Variants in PLD5 observed in about 807,000 individuals in gnomAD.
PLD5 encodes the protein phospholipase D family member 5, also known as inactive phospholipase D5.
In PLD5, 36 loss-of-function variants were observed where a neutral mutation model predicts 61.1. The observed-to-expected ratio is 0.59, with a 90% CI of 0.45 to 0.78. The LOEUF (loss-of-function observed/expected upper bound fraction) is 0.78. Ranked by LOEUF, PLD5 falls within the 30% of genes least tolerant of loss-of-function variation. The probability of loss-of-function intolerance (pLI) is 0.00; values close to 1 mark genes in which losing one functional copy is unlikely to be tolerated. For synonymous variants in PLD5, 243 were observed against 242.8 expected, an observed-to-expected ratio of 1.00 and a Z score of -0.01; for missense variants, 515 against 644.4, an observed-to-expected ratio of 0.80 and a Z score of 2.17.
intron 1 of PLD5, among the ~76,000 whole-genome samples, chr1:242,514,110 T>C (rs773116415): frequency 3.9e-5 from 6 of 152,238 alleles, no homozygotes; most frequent in Non-Finnish European, 8.8e-5. Context: ...AAAGTATCTA[T>C]TCAAATATCT....
At chr1:242,262,316 A>G (rs3863738) in intron 4 of PLD5, among the ~76,000 whole-genome samples, 70,628 of 152,054 alleles carry the variant, frequency 0.46, 17,484 homozygotes, top group East Asian at 0.68. Flanking sequence ...TGACTGCAAG[A>G]GGGACTGAGA....
rs1274268918 is a variant in PLD5, at chr1:242,087,087, A to G, written c.*2767T>C. 6.6e-6 allele frequency: 1 copy of G among 152,218 alleles called. No individual in the cohort carries two copies. Among genetic ancestry groups the G allele is most frequent in the African/African-American group, 2.4e-5 (1 of 41,456 alleles). 9.4% of individuals were successfully genotyped at this position (152,218 alleles called of 1,614,324 possible). ...GATAGCTAAAGCATCCAAATGAAAG[A>G]AAGTTCTGCAGAATGAAATGTTCTC... On this transcript the variant is annotated 3_prime_UTR_variant, in exon 10 of 10. Coordinates refer to ENST00000536534, the MANE Select transcript of PLD5 (RefSeq NM_001372062.1).
At chr1:242,359,363 G>A (rs189594095) in intron 1 of PLD5, among the ~76,000 whole-genome samples, 207 of 152,286 alleles carry the variant, frequency 1.4e-3, no homozygotes, top group African/African-American at 4.8e-3. Flanking sequence ...ACTTGAGGAA[G>A]AGGGAAGGAT....
chr1:242,199,144 G>T (rs541241610), intron 5 of PLD5, among the ~76,000 whole-genome samples: 17 of 152,166 alleles, frequency 1.1e-4, no homozygotes, highest in Non-Finnish European at 2.4e-4. Context: ...ATTTTATGTG[G>T]CGGTTGGAAA....
At chr1:242,305,663 G>A (rs1236997496) in intron 2 of PLD5, among the ~76,000 whole-genome samples, 2 of 152,208 alleles carry the variant, frequency 1.3e-5, no homozygotes, top group East Asian at 1.9e-4. Flanking sequence ...TGGTTCAAGC[G>A]ATTCTTCTGC....
chr1:242,147,425 T>A (rs1318357122), intron 5 of PLD5: 1 of 152,212 alleles, frequency 6.6e-6, no homozygotes, highest in Non-Finnish European at 1.5e-5. Flanking sequence ...TTGAGAAACA[T>A]TTGGGTAGTT....
At chr1:242,486,069 A>G (rs558120837) in intron 1 of PLD5, among the ~76,000 whole-genome samples, 116 of 152,200 alleles carry the variant, frequency 7.6e-4, no homozygotes, top group Middle Eastern at 6.8e-3. Flanking sequence ...TTAATTCAAG[A>G]TGGATTAAAG....
At chr1:242,464,806 A>G (rs944812929) in intron 1 of PLD5, among the ~76,000 whole-genome samples, 2 of 152,240 alleles carry the variant, frequency 1.3e-5, no homozygotes, top group Admixed American at 6.5e-5. Context: ...CATACAGTGA[A>G]ATAGCACTCC....
intron 5 of PLD5, among the ~76,000 whole-genome samples, chr1:242,133,159 T>A (rs1440927160): frequency 3.3e-5 from 5 of 152,020 alleles, no homozygotes; most frequent in African/African-American, 1.2e-4. Flanking sequence ...TGCATAGGGG[T>A]ATAACTTTGT....
intron 2 of PLD5, among the ~76,000 whole-genome samples, chr1:242,299,380 A>AT (rs1430840603): frequency 3.9e-5 from 6 of 152,200 alleles, no homozygotes; most frequent in East Asian, 1.9e-4. Flanking sequence ...TATTCATTCT[A>AT]TTTTTTGTAG....
At chr1:242,371,620 C>A (rs568770511) in intron 1 of PLD5, among the ~76,000 whole-genome samples, 14 of 152,182 alleles carry the variant, frequency 9.2e-5, no homozygotes, top group Non-Finnish European at 7.4e-5. Context: ...TTTCAAATCT[C>A]CCAATGCTCC....
chr1:242,083,915 T>A lies in PLD5; in HGVS notation c.*5939A>T, dbSNP rs1424335602. On this transcript the variant is annotated 3_prime_UTR_variant, in exon 10 of 10. Coordinates refer to ENST00000536534, the MANE Select transcript of PLD5 (RefSeq NM_001372062.1). ...CTAAATTAGAAACCATCTGTGTTTGTCTTGCAAGGGGCTCAGAATGTCTCA... is the reference window on the plus strand; with the variant it reads ...CTAAATTAGAAACCATCTGTGTTTGACTTGCAAGGGGCTCAGAATGTCTCA... The A allele has an allele frequency of 6.6e-6, 1 of 152,228 alleles. No homozygotes were observed. Among genetic ancestry groups the A allele is most frequent in the Admixed American group, 6.5e-5 (1 of 15,284 alleles). The allele number at this position is 152,228 out of a possible 1,614,324, so 9.4% of individuals were successfully genotyped here.
At chr1:242,401,484 G>C (rs1458479521) in intron 1 of PLD5, among the ~76,000 whole-genome samples, 3 of 152,104 alleles carry the variant, frequency 2.0e-5, no homozygotes, top group Non-Finnish European at 2.9e-5. Flanking sequence ...CCTGTGGCCT[G>C]TGAGGGCCGC....
intron 8 of PLD5, among the ~76,000 whole-genome samples, chr1:242,103,394 T>C (rs1207383087): frequency 6.6e-6 from 1 of 152,246 alleles, no homozygotes; most frequent in Non-Finnish European, 1.5e-5. Flanking sequence ...TGACTTCATT[T>C]GTTCATGCAT....
intron 1 of PLD5, among the ~76,000 whole-genome samples, chr1:242,392,009 G>T (rs561017020): frequency 1.3e-5 from 2 of 152,122 alleles, no homozygotes; most frequent in Non-Finnish European, 2.9e-5. Context: ...ATCAATATAG[G>T]TGCCCATCAA....
At chr1:242,294,953 C>T (rs1434903895) in intron 2 of PLD5, among the ~76,000 whole-genome samples, 1 of 152,166 alleles carries the variant, frequency 6.6e-6, no homozygotes, top group East Asian at 1.9e-4. Flanking sequence ...TGCACTGGAT[C>T]AGTTATCAGG....
rs115340714 is a variant in PLD5, at chr1:242,207,004, A to T, written c.735+12984T>A. Among the ~76,000 whole-genome samples the T allele has an allele frequency of 1.8e-3, 272 of 152,310 alleles. 1 individual carries two copies. The highest frequency in any genetic ancestry group is 3.5e-3 in the Non-Finnish European group (239 of 68,024). On this transcript the variant is annotated intron_variant, in intron 5 of 9. Transcript: ENST00000536534. ...CTAAGGCAGGGTTTCTATATGTTGC[A>T]GTCTTGAGGAGAATTCCTTCTTCTT... is the stretch of plus-strand genomic sequence containing the variant.
intron 5 of PLD5, among the ~76,000 whole-genome samples, chr1:242,196,305 T>C (rs1474895615): frequency 6.6e-6 from 1 of 152,182 alleles, no homozygotes; most frequent in African/African-American, 2.4e-5. Context: ...GCGCTGTCGG[T>C]ACATTATGGT....
chr1:242,119,912 G>C (rs1018956737), intron 6 of PLD5, among the ~76,000 whole-genome samples: 1 of 152,128 alleles, frequency 6.6e-6, no homozygotes, highest in Non-Finnish European at 1.5e-5. Context: ...CCAAGAAATA[G>C]TAGTAGTACA....
Sources: allele counts gnomAD v4.1 joint callset (sites outside exome capture counted in the v4.1 genomes callset), GRCh38; gene constraint gnomAD v4.1.1; transcripts MANE v1.5; gene names NCBI Gene and HGNC (gene_info 2026-07-23, HGNC 2026-07-21).